The following NAALADL2 variants were observed in gnomAD, a reference collection of about 807,000 sequenced individuals.
The protein encoded by NAALADL2 is inactive N-acetylated-alpha-linked acidic dipeptidase-like protein 2.
Under a neutral mutation model 87.2 loss-of-function variants are expected in NAALADL2, and 76 were observed. That is an observed-to-expected ratio of 0.87 (90% CI 0.72 to 1.05). The LOEUF (loss-of-function observed/expected upper bound fraction) is 1.05, where lower values mean the gene tolerates loss of function less well. Ranked by LOEUF, NAALADL2 falls within the 50% of genes least tolerant of loss-of-function variation. The pLI, the probability that NAALADL2 is intolerant of heterozygous loss-of-function variation, is 0.00. For synonymous variants in NAALADL2, 354 were observed against 331.0 expected (o/e 1.07, Z -0.75); for missense variants, 1,089 against 945.8 (o/e 1.15, Z -1.99).
intron 1 of NAALADL2, among the ~76,000 whole-genome samples, chr3:174,485,454 C>G (rs11717958): frequency 1.1e-3 from 165 of 151,894 alleles, no homozygotes; most frequent in Admixed American, 2.8e-3. Flanking sequence ...CACCCACCCC[C>G]CTCTCTCTGA....
At chr3:175,217,200 C>A (rs946704460) in intron 2 of NAALADL2, among the ~76,000 whole-genome samples, 3 of 152,136 alleles carry the variant, frequency 2.0e-5, no homozygotes, top group African/African-American at 7.2e-5. Context: ...TATACCCCAG[C>A]TAGGCACATA....
At chr3:174,855,203 A>T (rs1328805359), upstream of NAALADL2, among the ~76,000 whole-genome samples, 1 of 152,136 alleles carries the variant, frequency 6.6e-6, no homozygotes, top group Non-Finnish European at 1.5e-5. Context: ...AACACAAAAC[A>T]TGTGAGTAAT....
At chr3:175,008,975 C>G (rs555320348) in intron 1 of NAALADL2, among the ~76,000 whole-genome samples, 3 of 152,152 alleles carry the variant, frequency 2.0e-5, no homozygotes, top group African/African-American at 7.2e-5. Context: ...AAAGACAAAT[C>G]TAAATGTAAC....
intron 1 of NAALADL2, among the ~76,000 whole-genome samples, chr3:175,012,816 G>C (rs997573750): frequency 6.6e-6 from 1 of 151,528 alleles, no homozygotes; most frequent in African/African-American, 2.4e-5. Flanking sequence ...CTATTCTAAA[G>C]ATGTTCTTCC....
chr3:174,547,262 A>T (rs1204144880), intron 1 of NAALADL2, among the ~76,000 whole-genome samples: 1 of 152,168 alleles, frequency 6.6e-6, no homozygotes, highest in Admixed American at 6.5e-5. Flanking sequence ...TGTCCTGCAT[A>T]TACACTCTGA....
intron 1 of NAALADL2, among the ~76,000 whole-genome samples, chr3:174,544,345 T>G (rs1722524936): frequency 6.6e-6 from 1 of 152,112 alleles, no homozygotes; most frequent in Non-Finnish European, 1.5e-5. Context: ...GTTTTTACAT[T>G]TATAACTATG....
chr3:174,853,003 T>C (rs1725424329), intron 3 of NAALADL2, among the ~76,000 whole-genome samples: 1 of 151,904 alleles, frequency 6.6e-6, no homozygotes, highest in African/African-American at 2.4e-5. Context: ...ACTGGATATC[T>C]ACATGCATAA....
Position 175,416,162 on chromosome 3 carries a change from T to G in NAALADL2, c.1091-31067T>G, listed in dbSNP as rs114342717. ...ATAAATAAAATTTCAATCAGAAATA[T>G]ATTTCACAGAAACACATCAGTATAT... On this transcript the variant is annotated intron_variant, in intron 5 of 13. Coordinates refer to ENST00000454872, the MANE Select transcript of NAALADL2 (RefSeq NM_207015.3). Among the ~76,000 whole-genome samples the G allele has an allele frequency of 8.4e-3, 1,283 of 152,092 alleles. 19 individuals carry two copies. The highest frequency in any genetic ancestry group is 0.029 in the African/African-American group (1,213 of 41,522).
At chr3:175,573,096 T>C (rs1339401084) in intron 9 of NAALADL2, among the ~76,000 whole-genome samples, 1 of 152,194 alleles carries the variant, frequency 6.6e-6, no homozygotes, top group African/African-American at 2.4e-5. Flanking sequence ...AAAATAATTT[T>C]TAATAGGCAC....
intron 1 of NAALADL2, among the ~76,000 whole-genome samples, chr3:174,540,342 C>G (rs528541619): frequency 2.3e-4 from 35 of 152,252 alleles, no homozygotes; most frequent in African/African-American, 7.5e-4. Flanking sequence ...GGGTCATTTC[C>G]TGTGCTTATT....
chr3:175,521,296 T>A (rs1436098985), intron 9 of NAALADL2, among the ~76,000 whole-genome samples: 2 of 152,142 alleles, frequency 1.3e-5, no homozygotes. Flanking sequence ...AGAAATGATA[T>A]TCTATCTTTG....
At chr3:175,616,647 G>A (rs1024667024) in intron 10 of NAALADL2, among the ~76,000 whole-genome samples, 3 of 152,076 alleles carry the variant, frequency 2.0e-5, no homozygotes, top group African/African-American at 7.2e-5. Flanking sequence ...GGGGCCTGGG[G>A]ACCCCTGGGC....
chr3:175,586,359 T>C (rs1342594863), intron 10 of NAALADL2, among the ~76,000 whole-genome samples: 10 of 152,190 alleles, frequency 6.6e-5, no homozygotes, highest in East Asian at 1.9e-4. Context: ...AGATCACTAC[T>C]TCTTCTTCAT....
intron 2 of NAALADL2, among the ~76,000 whole-genome samples, chr3:175,148,123 T>TAAC (rs1406058147): frequency 1.4e-5 from 2 of 146,114 alleles, no homozygotes; most frequent in African/African-American, 5.0e-5. Flanking sequence ...ATAATAATAA[T>TAAC]AAAATAATAA....
chr3:175,469,782 A>T (rs926005275), intron 8 of NAALADL2, among the ~76,000 whole-genome samples: 1 of 152,028 alleles, frequency 6.6e-6, no homozygotes, highest in African/African-American at 2.4e-5. Context: ...AAATGAGTCT[A>T]CTAATGCCTA....
intron 1 of NAALADL2, among the ~76,000 whole-genome samples, chr3:175,082,201 A>G (rs757805555): frequency 1.2e-4 from 18 of 152,202 alleles, no homozygotes; most frequent in Non-Finnish European, 2.5e-4. Flanking sequence ...TTAGTAAATT[A>G]CAATGCAAAA....
intron 1 of NAALADL2, among the ~76,000 whole-genome samples, chr3:174,983,536 G>A (rs1745415191): frequency 6.6e-6 from 1 of 152,122 alleles, no homozygotes; most frequent in African/African-American, 2.4e-5. Context: ...CAAGATCAAG[G>A]AGCCAGCTGA....
At chr3:175,163,789 A>G (rs1733583719) in intron 2 of NAALADL2, among the ~76,000 whole-genome samples, 2 of 152,162 alleles carry the variant, frequency 1.3e-5, no homozygotes, top group Admixed American at 1.3e-4. Flanking sequence ...TTTGGTTTGT[A>G]CAAGCCTTGG....
intron 3 of NAALADL2, among the ~76,000 whole-genome samples, chr3:174,794,446 GA>G (rs926475298): frequency 9.2e-5 from 14 of 151,730 alleles, no homozygotes; most frequent in African/African-American, 2.4e-4. Context: ...AAAGAGGACA[GA>G]AAAAAATTAA....
Sources: allele counts gnomAD v4.1 joint callset (sites outside exome capture counted in the v4.1 genomes callset), GRCh38; gene constraint gnomAD v4.1.1; transcripts MANE v1.5; gene names NCBI Gene and HGNC (gene_info 2026-07-23, HGNC 2026-07-21).